Variants in CHSY3 observed in about 807,000 individuals in gnomAD.
CHSY3 encodes the protein N-acetylgalactosaminyl-proteoglycan 3-beta-glucuronosyltransferase 3.
CHSY3 carries 35 observed loss-of-function variants against 67.2 expected under a neutral mutation model. The ratio of observed to expected loss-of-function variants is 0.52; its 90% CI spans 0.40 to 0.69. The LOEUF is 0.69. CHSY3 is among the 30% of genes least tolerant of loss of function. The pLI is 0.00. For synonymous variants in CHSY3, 474 were observed against 434.7 expected (o/e 1.09, Z -1.12); for missense variants, 1,069 against 1,138.5 (o/e 0.94, Z 0.88).
intron 2 of CHSY3, among the ~76,000 whole-genome samples, chr5:130,112,769 T>C (rs1767629758): frequency 6.6e-6 from 1 of 151,984 alleles, no homozygotes; most frequent in African/African-American, 2.4e-5. Flanking sequence ...ATTGAAAAAG[T>C]GACATTAAAC....
In CHSY3 at chr5:129,932,103, C is replaced by CATATATATATATATATAT. The variant is rs33960181; in HGVS notation, c.1086+23766_1086+23783dup. On this transcript the variant is annotated intron_variant, in intron 2 of 2. Transcript: ENST00000305031. The stretch of plus-strand genomic sequence containing the variant: ...CCATATGTAATGTAAACCATAAAAC[C>CATATATATATATATATAT]ATATATATATATATATATATATATA... 1.0e-4 allele frequency among the ~76,000 whole-genome samples: 12 copies of CATATATATATATATATAT among 115,020 alleles called. 1 individual carries two copies. Among genetic ancestry groups the CATATATATATATATATAT allele is most frequent in the South Asian group, 3.0e-4 (1 of 3,370 alleles). The allele number at this position is 115,020 out of a possible 152,430, so 75.5% of individuals were successfully genotyped here.
Position 130,040,118 on chromosome 5 carries a change from G to C in CHSY3, c.1086+131758G>C, listed in dbSNP as rs77410652. Among the ~76,000 whole-genome samples, 12 of 152,218 alleles carry C rather than the reference G, an allele frequency of 7.9e-5. 1 individual carries two copies. In the East Asian group the frequency reaches 2.3e-3, roughly 29 times the overall value. ...TCGACCACAGTATTACTATTGCTAA[G>C]CATCCAGGTACTTGGGTGCCCATGT... On this transcript the variant is annotated intron_variant, in intron 2 of 2. Coordinates refer to ENST00000305031, the MANE Select transcript of CHSY3 (RefSeq NM_175856.5).
chr5:130,182,949 G>C (rs1434507308), intron 2 of CHSY3, among the ~76,000 whole-genome samples: 1 of 145,072 alleles, frequency 6.9e-6, no homozygotes, highest in Non-Finnish European at 1.5e-5. Flanking sequence ...TATTAATTGA[G>C]TTTTTTTTTT....
chr5:129,935,805 C>T (rs996889142), intron 2 of CHSY3, among the ~76,000 whole-genome samples: 4 of 152,126 alleles, frequency 2.6e-5, no homozygotes, highest in Non-Finnish European at 5.9e-5. Flanking sequence ...TTGTATGGCT[C>T]ATAAATCACC....
At chr5:130,183,514 T>C (rs975459864) in intron 2 of CHSY3, among the ~76,000 whole-genome samples, 16 of 152,316 alleles carry the variant, frequency 1.1e-4, no homozygotes, top group African/African-American at 3.8e-4. Flanking sequence ...TTTTCCTCCT[T>C]AGGGTGAATC....
intron 2 of CHSY3, among the ~76,000 whole-genome samples, chr5:130,123,916 G>A (rs561570298): frequency 2.6e-4 from 40 of 151,438 alleles, no homozygotes; most frequent in Admixed American, 1.3e-3. Context: ...AAAATTAGCC[G>A]GGTGTGGTGG....
intron 2 of CHSY3, among the ~76,000 whole-genome samples, chr5:130,049,483 T>C (rs1044201600): frequency 6.6e-6 from 1 of 152,108 alleles, no homozygotes; most frequent in African/African-American, 2.4e-5. Flanking sequence ...GTTCTGTTAC[T>C]TATTGCCCAC....
intron 2 of CHSY3, among the ~76,000 whole-genome samples, chr5:130,180,026 G>T (rs931658184): frequency 6.6e-6 from 1 of 151,980 alleles, no homozygotes; most frequent in Admixed American, 6.6e-5. Flanking sequence ...GGTTTATTCC[G>T]CCTGTCCAGC....
At chr5:130,142,994 G>T (rs990924966) in intron 2 of CHSY3, among the ~76,000 whole-genome samples, 1 of 152,196 alleles carries the variant, frequency 6.6e-6, no homozygotes, top group African/African-American at 2.4e-5. Context: ...TCTTCTGTAA[G>T]AGTATGGAAG....
intron 2 of CHSY3, among the ~76,000 whole-genome samples, chr5:129,927,500 A>T (rs1761156208): frequency 6.6e-6 from 1 of 152,046 alleles, no homozygotes; most frequent in Non-Finnish European, 1.5e-5. Context: ...TATCCATTTC[A>T]TCAAGTATGT....
intron 2 of CHSY3, among the ~76,000 whole-genome samples, chr5:130,089,360 C>G (rs1197968664): frequency 1.3e-5 from 2 of 150,568 alleles, no homozygotes; most frequent in Non-Finnish European, 1.5e-5. Flanking sequence ...TACCCTGAAA[C>G]TTAAAGTATA....
At chr5:130,142,914 C>G (rs1022634953) in intron 2 of CHSY3, among the ~76,000 whole-genome samples, 1 of 152,020 alleles carries the variant, frequency 6.6e-6, no homozygotes, top group Non-Finnish European at 1.5e-5. Context: ...AAAGGAGGAG[C>G]GAGCCAGAGG....
chr5:129,968,407 T>A (rs1762527328), intron 2 of CHSY3, among the ~76,000 whole-genome samples: 1 of 151,870 alleles, frequency 6.6e-6, no homozygotes, highest in African/African-American at 2.4e-5. Flanking sequence ...AATATTAAAT[T>A]TATTTTTATT....
At chr5:130,054,069 C>T (rs973673595) in intron 2 of CHSY3, among the ~76,000 whole-genome samples, 2 of 152,102 alleles carry the variant, frequency 1.3e-5, no homozygotes, top group African/African-American at 2.4e-5. Flanking sequence ...GAAAGCCTGT[C>T]GTCAAATATT....
At chr5:130,057,005 G>T (rs1371329480) in intron 2 of CHSY3, among the ~76,000 whole-genome samples, 1 of 134,684 alleles carries the variant, frequency 7.4e-6, no homozygotes, top group Non-Finnish European at 1.5e-5. Flanking sequence ...CTCACTGCAA[G>T]CTCCTCCTCC....
chr5:130,088,052 G>T (rs1025431524), intron 2 of CHSY3, among the ~76,000 whole-genome samples: 1 of 152,138 alleles, frequency 6.6e-6, no homozygotes, highest in Non-Finnish European at 1.5e-5. Context: ...AGAGCTCTCA[G>T]AAATAATGCC....
chr5:129,950,470 A>C (rs757737617), intron 2 of CHSY3, among the ~76,000 whole-genome samples: 1 of 152,116 alleles, frequency 6.6e-6, no homozygotes, highest in Non-Finnish European at 1.5e-5. Context: ...TAGGAAAGGA[A>C]CTAGTAAAAT....
chr5:129,933,977 T>C (rs1761406972), intron 2 of CHSY3, among the ~76,000 whole-genome samples: 1 of 152,184 alleles, frequency 6.6e-6, no homozygotes, highest in African/African-American at 2.4e-5. Flanking sequence ...GTTTTCAGTG[T>C]TGCTTATGCA....
intron 2 of CHSY3, among the ~76,000 whole-genome samples, chr5:129,917,676 G>A (rs1760775974): frequency 6.6e-6 from 1 of 152,198 alleles, no homozygotes; most frequent in South Asian, 2.1e-4. Context: ...CGTGGGAGTG[G>A]GATAATGTTG....
Sources: gnomAD v4.1 joint callset for allele counts (sites outside exome capture counted in the v4.1 genomes callset) on GRCh38, gnomAD v4.1.1 for gene constraint, MANE v1.5 for transcripts, NCBI Gene and HGNC (gene_info 2026-07-23, HGNC 2026-07-21) for gene names.